SLCO1C1: variants seen among roughly 807,000 people sequenced by gnomAD.
SLCO1C1 encodes the protein OAT-RP-5.
SLCO1C1 carries 70 observed loss-of-function variants against 76.4 expected under a neutral mutation model. The ratio of observed to expected loss-of-function variants is 0.92; its 90% confidence interval spans 0.76 to 1.12. SLCO1C1 has a LOEUF of 1.12. SLCO1C1 is among the 50% of genes most tolerant of loss of function. The pLI, the probability that SLCO1C1 is intolerant of heterozygous loss-of-function variation, is 0.00. For missense variants in SLCO1C1, 912 were observed against 823.8 expected (o/e 1.11, Z -1.31); for synonymous variants, 306 against 286.1 (o/e 1.07, Z -0.70).
chr12:20,712,475 G>A (rs1051483359), intron 5 of SLCO1C1, among the ~76,000 whole-genome samples: 5 of 152,076 alleles, frequency 3.3e-5, no homozygotes, highest in African/African-American at 1.2e-4. Context: ...TCTCTAGGAC[G>A]CAGTACAGGC....
At chr12:20,730,227 G>A (rs974172052) in intron 9 of SLCO1C1, among the ~76,000 whole-genome samples, 1 of 152,156 alleles carries the variant, frequency 6.6e-6, no homozygotes, top group African/African-American at 2.4e-5. Context: ...GAAAATGTAG[G>A]ACCCTGCTGT....
chr12:20,733,222 G>T, intron 10 of SLCO1C1, 118 bp downstream of exon 10: 2 of 925,268 alleles, frequency 2.2e-6, no homozygotes, highest in Non-Finnish European at 3.1e-6. Context: ...AAGCAACTTA[G>T]TATTTTATTG....
At chr12:20,726,760 G>A (rs1251036017) in intron 9 of SLCO1C1, among the ~76,000 whole-genome samples, 1 of 151,984 alleles carries the variant, frequency 6.6e-6, no homozygotes, top group Non-Finnish European at 1.5e-5. Flanking sequence ...TTGTTACAAA[G>A]GTATATTGCA....
chr12:20,722,976 A>G, intron 8 of SLCO1C1, 114 bp from the exon 9 acceptor site: 2 of 853,172 alleles, frequency 2.3e-6, no homozygotes, highest in Non-Finnish European at 3.6e-6. Context: ...CACTGTGACT[A>G]CTCCCAAACT....
chr12:20,697,622 C>T (rs759297859), intron 1 of SLCO1C1: 1 of 151,834 alleles, frequency 6.6e-6, no homozygotes, highest in Non-Finnish European at 1.5e-5. Context: ...TAATAGATGT[C>T]GAATTTTATC....
chr12:20,719,451 G>A (rs1947545250), intron 7 of SLCO1C1, among the ~76,000 whole-genome samples: 1 of 152,144 alleles, frequency 6.6e-6, no homozygotes, highest in Non-Finnish European at 1.5e-5. Context: ...AAGGCATGTT[G>A]AATGCCAAGA....
At position 20,722,003 on chromosome 12, in the gene SLCO1C1, C is replaced by T. The variant is rs201017200; in HGVS notation, c.975C>T (p.Tyr325=). 2.5e-6 allele frequency: 4 copies of T among 1,614,036 alleles called. No homozygotes were observed. Among genetic ancestry groups the T allele is most frequent in the Admixed American group, 3.3e-5 (2 of 60,018 alleles). ...SKFIIDDHTD[Y]QTPQGENAKI... The stretch of plus-strand genomic sequence containing the variant: ...TTATTATAGATGATCACACAGACTA[C>T]CAAACACCCCAGGGAGAAAATGCAA... Residue 325 remains tyrosine (Y), a synonymous_variant, in exon 8 of 15, where the codon TAC becomes TAT. Coordinates refer to ENST00000266509, the MANE Select transcript of SLCO1C1 (RefSeq NM_017435.5).
intron 13 of SLCO1C1, among the ~76,000 whole-genome samples, chr12:20,747,835 T>C (rs1339066479): frequency 6.6e-6 from 1 of 152,198 alleles, no homozygotes; most frequent in Non-Finnish European, 1.5e-5. Flanking sequence ...GAACTGTCTT[T>C]GTATACAGCA....
chr12:20,736,330 C>CA (rs1186334681), intron 10 of SLCO1C1, among the ~76,000 whole-genome samples: 1 of 91,500 alleles, frequency 1.1e-5, no homozygotes, highest in Non-Finnish European at 3.3e-5. Flanking sequence ...TCAAAAAAAC[C>CA]AATTTTGGGG....
intron 11 of SLCO1C1, 92 bp from the exon 12 acceptor site, chr12:20,740,092 T>G: frequency 8.2e-7 from 1 of 1,224,836 alleles, no homozygotes. Context: ...GTTTACATAA[T>G]GCATGGCTAC....
intron 13 of SLCO1C1, among the ~76,000 whole-genome samples, chr12:20,743,655 G>C (rs1948918681): frequency 6.6e-6 from 1 of 151,968 alleles, no homozygotes; most frequent in African/African-American, 2.4e-5. Flanking sequence ...GTACTTGTGT[G>C]TTCTTACAAA....
intron 9 of SLCO1C1, among the ~76,000 whole-genome samples, chr12:20,728,674 CTAT>C (rs1211785475): frequency 1.3e-5 from 2 of 151,514 alleles, no homozygotes; most frequent in African/African-American, 4.8e-5. Flanking sequence ...TCTCCAAGTA[CTAT>C]TATTATTATT....
intron 9 of SLCO1C1, among the ~76,000 whole-genome samples, chr12:20,730,090 C>T (rs563845275): frequency 6.6e-6 from 1 of 152,160 alleles, no homozygotes; most frequent in African/African-American, 2.4e-5. Flanking sequence ...TTCTTACGTC[C>T]AGGTTCAATT....
At chr12:20,710,200 CTTTTTTTT>C (rs914645913) in intron 4 of SLCO1C1, among the ~76,000 whole-genome samples, 2 of 75,480 alleles carry the variant, frequency 2.6e-5, no homozygotes, top group Non-Finnish European at 2.3e-5. Flanking sequence ...CTCTACTTTT[CTTTTTTTT>C]TTTTTTTTTT....
chr12:20,710,196 T>A (rs1447700112), intron 4 of SLCO1C1, among the ~76,000 whole-genome samples: 6 of 132,922 alleles, frequency 4.5e-5, no homozygotes, highest in Non-Finnish European at 9.3e-5. Context: ...AGTTCTCTAC[T>A]TTTCTTTTTT....
chr12:20,752,619 C>A lies in SLCO1C1; in HGVS notation c.*91C>A. The A allele has an allele frequency of 9.3e-7, 1 of 1,074,718 alleles. No individual in the cohort carries two copies. The highest frequency in any genetic ancestry group is 1.3e-6 in the Non-Finnish European group (1 of 768,680). 66.6% of individuals were successfully genotyped at this position (1,074,718 alleles called of 1,614,324 possible). A position where few individuals can be genotyped will look rare whatever the true frequency, so the allele number is the denominator to read the frequency against. On this transcript the variant is annotated 3_prime_UTR_variant, in exon 15 of 15. Coordinates refer to ENST00000266509, the MANE Select transcript of SLCO1C1 (RefSeq NM_017435.5). ...CAAAAGAGCTCTAAATTTGTAATTT[C>A]TTTCTCCTTTCAAAAAATGTCTACT...
intron 13 of SLCO1C1, 143 bp downstream of exon 13, chr12:20,743,512 T>C (rs1948913381): frequency 1.8e-6 from 1 of 564,832 alleles, no homozygotes; most frequent in African/African-American, 1.9e-5. Context: ...CTTTCTTCAT[T>C]TCTTTGTTCC....
At chr12:20,706,832 G>A (rs1342078715) in intron 4 of SLCO1C1, among the ~76,000 whole-genome samples, 3 of 152,100 alleles carry the variant, frequency 2.0e-5, no homozygotes, top group African/African-American at 7.2e-5. Context: ...ACATATCCAT[G>A]TCACTGCCCT....
At chr12:20,699,134 TAAG>T (rs1262864638) in intron 1 of SLCO1C1, among the ~76,000 whole-genome samples, 3 of 152,108 alleles carry the variant, frequency 2.0e-5, no homozygotes, top group African/African-American at 7.2e-5. Flanking sequence ...TTTGTTTTGC[TAAG>T]AAGATAGATT....
Sources: allele counts gnomAD v4.1 joint callset (sites outside exome capture counted in the v4.1 genomes callset), GRCh38; gene constraint gnomAD v4.1.1; transcripts MANE v1.5; gene names NCBI Gene and HGNC (gene_info 2026-07-23, HGNC 2026-07-21).